Variants in RAD18 observed in about 807,000 individuals in gnomAD.
RAD18 encodes the protein RAD18 E3 ubiquitin protein ligase.
RAD18 carries 47 observed loss-of-function variants against 60.4 expected under a neutral mutation model. The observed-to-expected ratio is 0.78, with a 90% CI of 0.62 to 0.99. The LOEUF (loss-of-function observed/expected upper bound fraction) is 0.99, where lower values mean the gene tolerates loss of function less well. Among genes scored for constraint, RAD18 ranks in the 50% least tolerant of loss-of-function variants. RAD18 has a pLI of 0.00. For synonymous variants in RAD18, 225 were observed against 195.5 expected (o/e 1.15, Z -1.26); for missense variants, 640 against 593.3 (o/e 1.08, Z -0.82).
In RAD18 at chr3:8,888,399, G is replaced by A. The variant is rs532483353; in HGVS notation, c.1385+1990C>T. ...TTATATGGAGCCATGTGTTGCTAAC[G>A]AAACCTCTAAATCATTTGTGGAATT... On this transcript the variant is annotated intron_variant, in intron 12 of 12. Transcript: ENST00000264926. 3.3e-5 allele frequency among the ~76,000 whole-genome samples: 5 copies of A among 152,304 alleles called. No homozygotes were observed. In the South Asian group the frequency reaches 6.2e-4, roughly 19 times the overall value.
chr3:8,922,123 C>A (rs569375617), intron 7 of RAD18, among the ~76,000 whole-genome samples: 1 of 152,302 alleles, frequency 6.6e-6, no homozygotes, highest in South Asian at 2.1e-4. Flanking sequence ...CGGGAGTGAG[C>A]TGAAGCAGGG....
intron 7 of RAD18, among the ~76,000 whole-genome samples, chr3:8,930,386 T>G (rs769839340): frequency 6.6e-6 from 1 of 152,142 alleles, no homozygotes; most frequent in African/African-American, 2.4e-5. Flanking sequence ...AGTAAATTAG[T>G]GGCTATCTAG....
Position 8,941,473 on chromosome 3 carries a change from T to C in RAD18, c.598A>G (p.Thr200Ala). The part of the protein sequence containing the change: ...PPSTSTLKQV[T>A]KVDCPVCGVN... ...TATGAAAATAACTTCCTACCTTTAG[T>C]AACTTGTTTCAAAGTGGATGTCGAG... The change falls in exon 5 of 13, where the codon ACT becomes GCT. Residue 200 changes from threonine (T) to alanine (A), a missense_variant. Thr to Ala is a moderately conservative substitution (Grantham distance 58, BLOSUM62 0). Coordinates refer to ENST00000264926, the MANE Select transcript of RAD18 (RefSeq NM_020165.4). The C allele has an allele frequency of 6.3e-7, 1 of 1,595,826 alleles. No individual in the cohort carries two copies. The highest frequency in any genetic ancestry group is 8.6e-7 in the Non-Finnish European group (1 of 1,166,622).
intron 12 of RAD18, among the ~76,000 whole-genome samples, chr3:8,883,435 A>T (rs1208902161): frequency 6.6e-6 from 1 of 152,214 alleles, no homozygotes; most frequent in African/African-American, 2.4e-5. Context: ...GTATATGGCA[A>T]CTAAAAGTGT....
chr3:8,888,818 G>A (rs1198023324), intron 12 of RAD18, among the ~76,000 whole-genome samples: 7 of 152,180 alleles, frequency 4.6e-5, no homozygotes, highest in Non-Finnish European at 4.4e-5. Flanking sequence ...TTTAAAAACT[G>A]AAATGATAGG....
intron 7 of RAD18, among the ~76,000 whole-genome samples, chr3:8,917,036 T>C (rs1336082839): frequency 6.6e-6 from 1 of 151,960 alleles, no homozygotes; most frequent in South Asian, 2.1e-4. Context: ...GACAACAACA[T>C]GCATATAGAC....
intron 9 of RAD18, among the ~76,000 whole-genome samples, chr3:8,910,141 C>T (rs775544805): frequency 2.3e-4 from 35 of 152,080 alleles, no homozygotes; most frequent in Non-Finnish European, 4.0e-4. Flanking sequence ...TGGAACAGGA[C>T]AACAGAGGCT....
At chr3:8,902,314 AT>A in intron 10 of RAD18, 65 bp downstream of exon 10, 1 of 1,352,860 alleles carries the variant, frequency 7.4e-7, no homozygotes, top group Non-Finnish European at 9.7e-7. Flanking sequence ...CTTTGGTTTA[AT>A]TTTTTCATAT....
At chr3:8,915,199 C>A (rs1270682206) in intron 7 of RAD18, among the ~76,000 whole-genome samples, 3 of 150,502 alleles carry the variant, frequency 2.0e-5, no homozygotes, top group East Asian at 3.9e-4. Context: ...AATTTAGTGG[C>A]TTAAATCTTC....
chr3:8,915,126 C>T (rs546135064), intron 7 of RAD18, among the ~76,000 whole-genome samples: 8 of 116,472 alleles, frequency 6.9e-5, no homozygotes, highest in African/African-American at 2.5e-4. Flanking sequence ...TCCAGCCCAG[C>T]GACAAAGCGA....
chr3:8,920,315 A>G (rs549824057), intron 7 of RAD18, among the ~76,000 whole-genome samples: 15 of 152,100 alleles, frequency 9.9e-5, no homozygotes, highest in African/African-American at 3.6e-4. Context: ...GAAAATAATA[A>G]TAAGGCAGAG....
intron 10 of RAD18, among the ~76,000 whole-genome samples, chr3:8,901,784 G>A (rs1290476220): frequency 1.3e-5 from 2 of 152,046 alleles, no homozygotes; most frequent in Admixed American, 1.3e-4. Flanking sequence ...CATTTATGAA[G>A]GGTTAAAAAG....
intron 2 of RAD18, among the ~76,000 whole-genome samples, chr3:8,957,393 G>A (rs1191102385): frequency 2.6e-5 from 4 of 152,080 alleles, no homozygotes; most frequent in African/African-American, 9.7e-5. Flanking sequence ...AAAGTTGGAG[G>A]ACTTACAATG....
chr3:8,943,829 G>C (rs1293699199), intron 4 of RAD18, among the ~76,000 whole-genome samples: 6 of 152,174 alleles, frequency 3.9e-5, no homozygotes, highest in African/African-American at 1.4e-4. Context: ...ATAGCATGAA[G>C]GGTTGCCAAA....
At chr3:8,911,012 A>T (rs1940096652) in intron 9 of RAD18, among the ~76,000 whole-genome samples, 1 of 152,234 alleles carries the variant, frequency 6.6e-6, no homozygotes, top group African/African-American at 2.4e-5. Flanking sequence ...ATGATTTTTT[A>T]AAAACTACAT....
At chr3:8,919,329 A>T (rs1434459410) in intron 7 of RAD18, among the ~76,000 whole-genome samples, 3 of 151,718 alleles carry the variant, frequency 2.0e-5, no homozygotes, top group South Asian at 4.2e-4. Context: ...AATACAATTT[A>T]AAAAAAAACT....
At chr3:8,905,201 G>A (rs1037853371) in intron 9 of RAD18, among the ~76,000 whole-genome samples, 29 of 152,208 alleles carry the variant, frequency 1.9e-4, no homozygotes, top group African/African-American at 6.3e-4. Context: ...TCAGCTAGTC[G>A]TGGGAGTGTC....
At chr3:8,948,471 C>T (rs779441515) in intron 3 of RAD18, 38 bp downstream of exon 3, 53 of 1,540,192 alleles carry the variant, frequency 3.4e-5, no homozygotes, top group Non-Finnish European at 4.6e-5. Context: ...ATATTTGCAG[C>T]AGTCAGTAAG....
chr3:8,904,648 G>T (rs535397084), intron 9 of RAD18, among the ~76,000 whole-genome samples: 1 of 152,122 alleles, frequency 6.6e-6, no homozygotes, highest in Non-Finnish European at 1.5e-5. Context: ...TTCACTCTAC[G>T]CACTTGAGGA....
Sources: gnomAD v4.1 joint callset for allele counts (sites outside exome capture counted in the v4.1 genomes callset) on GRCh38, gnomAD v4.1.1 for gene constraint, MANE v1.5 for transcripts, NCBI Gene and HGNC (gene_info 2026-07-23, HGNC 2026-07-21) for gene names.